The following CPPED1 variants were observed in gnomAD, a reference collection of about 807,000 sequenced individuals.
CPPED1 encodes the protein serine/threonine-protein phosphatase CPPED1.
CPPED1 carries 28 observed loss-of-function variants against 28.0 expected under a neutral mutation model. The ratio of observed to expected loss-of-function variants is 1.00; its 90% CI spans 0.74 to 1.37. CPPED1 has a LOEUF of 1.37. Among genes scored for constraint, CPPED1 ranks in the 40% most tolerant of loss-of-function variants. The pLI is 0.00. For synonymous variants in CPPED1, 198 were observed against 180.2 expected, an observed-to-expected ratio of 1.10 and a Z score of -0.79; for missense variants, 504 against 416.5, an observed-to-expected ratio of 1.21 and a Z score of -1.83.
chr16:12,794,041 TA>T (rs200984004), intron 1 of CPPED1, among the ~76,000 whole-genome samples: 14 of 148,746 alleles, frequency 9.4e-5, no homozygotes, highest in Admixed American at 1.3e-4. Context: ...TTCAGCAGTT[TA>T]AAAAAAAAAA....
In CPPED1 at chr16:12,673,556, T is replaced by C. The variant is rs191944010; in HGVS notation, c.716-8441A>G. ...CATTAACAGAGAGGGGAGCATTTAATGGTGATTGTTCAAGTGCCCAGAGGA... is the reference window on the plus strand; with the variant it reads ...CATTAACAGAGAGGGGAGCATTTAACGGTGATTGTTCAAGTGCCCAGAGGA... On this transcript the variant is annotated intron_variant, in intron 3 of 3. Coordinates refer to ENST00000381774, the MANE Select transcript of CPPED1 (RefSeq NM_018340.3). Among the ~76,000 whole-genome samples the C allele has an allele frequency of 1.6e-3, 238 of 152,270 alleles. 2 individuals are homozygous for C. The highest frequency in any genetic ancestry group is 5.5e-3 in the African/African-American group (230 of 41,544).
At chr16:12,684,793 G>A (rs2079924103) in intron 3 of CPPED1, among the ~76,000 whole-genome samples, 2 of 152,218 alleles carry the variant, frequency 1.3e-5, no homozygotes, top group African/African-American at 4.8e-5. Context: ...GAATAGCAGA[G>A]AGCGGCCGCT....
At chr16:12,756,273 T>C (rs1331927817) in intron 2 of CPPED1, among the ~76,000 whole-genome samples, 1 of 152,186 alleles carries the variant, frequency 6.6e-6, no homozygotes, top group African/African-American at 2.4e-5. Flanking sequence ...TCGTCTTAAA[T>C]AAGAGTCTCA....
At chr16:12,705,716 C>T (rs557658893) in intron 2 of CPPED1, among the ~76,000 whole-genome samples, 4 of 152,192 alleles carry the variant, frequency 2.6e-5, no homozygotes, top group Non-Finnish European at 5.9e-5. Context: ...CAAGATCACG[C>T]CATTGCACTC....
intron 2 of CPPED1, 82 bp downstream of exon 2, chr16:12,781,103 G>T: frequency 7.6e-7 from 1 of 1,315,800 alleles, no homozygotes; most frequent in Non-Finnish European, 1.1e-6. Flanking sequence ...TGCCTTCGAA[G>T]CAAAATCTTT....
At chr16:12,788,894 C>G (rs2080579921) in intron 1 of CPPED1, among the ~76,000 whole-genome samples, 1 of 152,170 alleles carries the variant, frequency 6.6e-6, no homozygotes, top group Non-Finnish European at 1.5e-5. Context: ...CTGCCAATAG[C>G]ACAGGGTTGA....
At chr16:12,728,074 T>C (rs1440643643) in intron 2 of CPPED1, among the ~76,000 whole-genome samples, 1 of 152,234 alleles carries the variant, frequency 6.6e-6, no homozygotes, top group Non-Finnish European at 1.5e-5. Flanking sequence ...CCTTGCTGCA[T>C]GGTTTACTTT....
chr16:12,705,057 A>G lies in CPPED1; in HGVS notation c.290-8T>C. On this transcript the variant is annotated splice_polypyrimidine_tract_variant and splice_region_variant and intron_variant, in intron 2 of 3. Coordinates refer to ENST00000381774, the MANE Select transcript of CPPED1 (RefSeq NM_018340.3). ...CCGTCCGCCACGGCTTCCCTGGAAG[A>G]GTGAGGGTCACGTCCTGAGAAAGCC... The G allele has an allele frequency of 6.2e-7, 1 of 1,601,406 alleles. No individual in the cohort carries two copies. Among genetic ancestry groups the G allele is most frequent in the Non-Finnish European group, 8.5e-7 (1 of 1,171,474 alleles).
intron 2 of CPPED1, among the ~76,000 whole-genome samples, chr16:12,710,365 C>T (rs967367999): frequency 3.3e-5 from 5 of 150,782 alleles, no homozygotes; most frequent in African/African-American, 1.2e-4. Flanking sequence ...ATGTTGTTTA[C>T]TGTCAGGGAA....
chr16:12,676,618 GC>G (rs2079879226), intron 3 of CPPED1, among the ~76,000 whole-genome samples: 3 of 152,144 alleles, frequency 2.0e-5, no homozygotes. Context: ...GGTGCAAAGT[GC>G]CAAAGATCAC....
rs568747729 is a variant in CPPED1 at position 12,664,090 on chromosome 16, C to G, written c.*796G>C. 6.6e-6 allele frequency: 1 copy of G among 152,260 alleles called. No individual in the cohort carries two copies. Among genetic ancestry groups the G allele is most frequent in the African/African-American group, 2.4e-5 (1 of 41,542 alleles). 9.4% of individuals were successfully genotyped at this position (152,260 alleles called of 1,614,324 possible). A position where few individuals can be genotyped will look rare whatever the true frequency, so the allele number is the denominator to read the frequency against. On this transcript the variant is annotated 3_prime_UTR_variant, in exon 4 of 4. Transcript: ENST00000381774. This position sits in a 1 kb window ranked among gnomAD's most constrained non-coding sequence, Gnocchi z 4.2. Reference sequence around the variant, plus strand: ...GGAGGGGCATTCTGATCCCAAGAGACCACCCATCTGTGGAGTGGCTACACA... The same window carrying G: ...GGAGGGGCATTCTGATCCCAAGAGAGCACCCATCTGTGGAGTGGCTACACA...
At chr16:12,668,800 G>A (rs912902410) in intron 3 of CPPED1, among the ~76,000 whole-genome samples, 14 of 152,222 alleles carry the variant, frequency 9.2e-5, no homozygotes, top group Admixed American at 5.9e-4. Flanking sequence ...ATAGCCACTC[G>A]GATGGCTGTG....
At chr16:12,763,401 G>A (rs1165634052) in intron 2 of CPPED1, among the ~76,000 whole-genome samples, 1 of 152,088 alleles carries the variant, frequency 6.6e-6, no homozygotes, top group Non-Finnish European at 1.5e-5. Flanking sequence ...ACTGATTTTG[G>A]TGATCATTAC....
Position 12,803,828 on chromosome 16 carries a change from G to A in CPPED1, c.-52C>T, listed in dbSNP as rs1231412578. 2 of 1,525,742 alleles carry A rather than the reference G, an allele frequency of 1.3e-6. No individual in the cohort carries two copies. Among genetic ancestry groups the A allele is most frequent in the South Asian group, 1.2e-5 (1 of 83,754 alleles). 94.5% of individuals were successfully genotyped at this position (1,525,742 alleles called of 1,614,324 possible). A position where few individuals can be genotyped will look rare whatever the true frequency, so the allele number is the denominator to read the frequency against. ...AGAACACTGCGTGGGTGGAAGCCGC[G>A]CGACTTCACACAGAACAACCGCTGG... On this transcript the variant is annotated 5_prime_UTR_variant, in exon 1 of 4. Transcript: ENST00000381774.
chr16:12,682,236 T>C lies in CPPED1; in HGVS notation c.716-17121A>G, dbSNP rs1226566901. 3.3e-5 allele frequency among the ~76,000 whole-genome samples: 5 copies of C among 152,094 alleles called. No individual in the cohort carries two copies. On this transcript the variant is annotated intron_variant, in intron 3 of 3. Coordinates refer to ENST00000381774, the MANE Select transcript of CPPED1 (RefSeq NM_018340.3). This position sits in a 1 kb window ranked among gnomAD's most constrained non-coding sequence, Gnocchi z 6.1. ...CTTTAGTAGAGACAGGATTTTACGA[T>C]GTTGGCCAGGCTGATCTCAAACTCC...
At chr16:12,747,041 G>C (rs1470245449) in intron 2 of CPPED1, among the ~76,000 whole-genome samples, 1 of 150,068 alleles carries the variant, frequency 6.7e-6, no homozygotes, top group Non-Finnish European at 1.5e-5. Flanking sequence ...AGGCTTTCCA[G>C]AGTTTACTCC....
intron 1 of CPPED1, among the ~76,000 whole-genome samples, chr16:12,794,220 C>A (rs927645101): frequency 2.0e-5 from 3 of 151,718 alleles, no homozygotes; most frequent in African/African-American, 7.3e-5. Context: ...AGTTTCAGCA[C>A]GGGGTGCAGG....
At chr16:12,775,299 T>C (rs1471668162) in intron 2 of CPPED1, among the ~76,000 whole-genome samples, 1 of 152,156 alleles carries the variant, frequency 6.6e-6, no homozygotes, top group Non-Finnish European at 1.5e-5. Flanking sequence ...ATAAATTTCA[T>C]TTCTTATAAA....
Position 12,757,262 on chromosome 16 carries a change from A to G in CPPED1, c.289+23923T>C, listed in dbSNP as rs1275982371. Among the ~76,000 whole-genome samples the G allele has an allele frequency of 3.9e-5, 6 of 152,188 alleles. No homozygotes were observed. In the East Asian group the frequency reaches 9.6e-4, roughly 24 times the overall value. On this transcript the variant is annotated intron_variant, in intron 2 of 3. Transcript: ENST00000381774. ...GACTTTTCAGTGCTAAAACCAGAAC[A>G]GTCCTGGGCAAACCAGGCTGGTTGG...
Sources: gnomAD v4.1 joint callset for allele counts (sites outside exome capture counted in the v4.1 genomes callset) on GRCh38, gnomAD v4.1.1 for gene constraint, Gnocchi (gnomAD v3.1) non-coding constraint, MANE v1.5 for transcripts, NCBI Gene and HGNC (gene_info 2026-07-23, HGNC 2026-07-21) for gene names.